The following UNC5A variants were observed in gnomAD, a reference collection of about 807,000 sequenced individuals.
UNC5A encodes unc-5 netrin receptor A.
Under a neutral mutation model 87.4 loss-of-function variants are expected in UNC5A, and 20 were observed. The observed-to-expected ratio is 0.23, with a 90% confidence interval of 0.16 to 0.33. UNC5A has a LOEUF of 0.33. UNC5A is among the 10% of genes least tolerant of loss of function. The probability of loss-of-function intolerance (pLI) is 1.00; values close to 1 mark genes in which losing one functional copy is unlikely to be tolerated. For synonymous variants in UNC5A, 438 were observed against 482.3 expected, an observed-to-expected ratio of 0.91 and a Z score of 1.20; for missense variants, 844 against 1,133.4, an observed-to-expected ratio of 0.74 and a Z score of 3.67.
At position 176,877,266 on chromosome 5, in the gene UNC5A, C is replaced by T. The variant is rs1056996634; in HGVS notation, c.1453C>T (p.Pro485Ser). The T allele has an allele frequency of 2.5e-6, 4 of 1,612,254 alleles. No individual in the cohort carries two copies. Among genetic ancestry groups the T allele is most frequent in the Non-Finnish European group, 3.4e-6 (4 of 1,179,584 alleles). The change falls in exon 9 of 15, where the codon CCG (proline) becomes TCG (serine). Residue 485 changes from proline (P) to serine (S), a missense_variant. Coordinates refer to ENST00000329542, the MANE Select transcript of UNC5A (RefSeq NM_133369.3). ...TGAGATCTACCTCACGCTGCACAAGCCGGAAGACGTGAGGTGTGGCCGCGG... is the reference window on the plus strand; with the variant it reads ...TGAGATCTACCTCACGCTGCACAAGTCGGAAGACGTGAGGTGTGGCCGCGG... ...IYEIYLTLHKPEDVRLPLAGC... is the reference protein window; with the variant it reads ...IYEIYLTLHKSEDVRLPLAGC...
chr5:176,856,242 T>C (rs2113642512), intron 1 of UNC5A, among the ~76,000 whole-genome samples: 1 of 152,180 alleles, frequency 6.6e-6, no homozygotes, highest in Non-Finnish European at 1.5e-5. Flanking sequence ...TCCGGGCGAG[T>C]CTTATCTCCC....
intron 3 of UNC5A, 121 bp from the exon 4 acceptor site, chr5:176,868,440 C>T (rs1398022947): frequency 1.4e-6 from 2 of 1,422,550 alleles, no homozygotes; most frequent in African/African-American, 2.9e-5. Context: ...CCCATGGCCC[C>T]CTGGCCACCT....
In UNC5A at chr5:176,869,876, A is replaced by T; in HGVS notation, c.722-494A>T. The stretch of plus-strand genomic sequence containing the variant: ...CACCAGCCTGCCCCCCCATGGCTCC[A>T]TCCCACCCACCCGCCACGCAGGGCC... On this transcript the variant is annotated intron_variant, in intron 5 of 14. Transcript: ENST00000329542. The surrounding 1 kb of genome is among the most constrained non-coding windows in gnomAD (Gnocchi z 9.1). The T allele has an allele frequency of 1.7e-6, 1 of 574,026 alleles. No homozygotes were observed. Among genetic ancestry groups the T allele is most frequent in the Non-Finnish European group, 3.1e-6 (1 of 320,552 alleles). The allele number at this position is 574,026 out of a possible 1,614,324, so 35.6% of individuals were successfully genotyped here. A position where few individuals can be genotyped will look rare whatever the true frequency, so the allele number is the denominator to read the frequency against.
intron 1 of UNC5A, among the ~76,000 whole-genome samples, chr5:176,839,815 T>C (rs1757231582): frequency 7.1e-6 from 1 of 141,140 alleles, no homozygotes; most frequent in Admixed American, 6.9e-5. Context: ...TCCTTTTTTT[T>C]TTTTTTTTTT....
intron 1 of UNC5A, among the ~76,000 whole-genome samples, chr5:176,822,577 A>T (rs1171504191): frequency 6.6e-6 from 1 of 152,234 alleles, no homozygotes; most frequent in Non-Finnish European, 1.5e-5. Context: ...TGTCTCCAGG[A>T]CATGCAGAGC....
chr5:176,853,053 C>T (rs1337700257), intron 1 of UNC5A, among the ~76,000 whole-genome samples: 1 of 152,202 alleles, frequency 6.6e-6, no homozygotes, highest in Non-Finnish European at 1.5e-5. Flanking sequence ...AGTGACTCCG[C>T]GGGAGCAGAG....
At position 176,874,286 on chromosome 5, in the gene UNC5A, C is replaced by T; in HGVS notation, c.1098C>T (p.Ile366=). The T allele has an allele frequency of 6.3e-7, 1 of 1,597,112 alleles. No individual in the cohort carries two copies. The highest frequency in any genetic ancestry group is 1.7e-5 in the Admixed American group (1 of 58,678). The change falls in exon 8 of 15, where the codon ATC becomes ATT. Residue 366 remains isoleucine (I), a synonymous_variant. Coordinates refer to ENST00000329542, the MANE Select transcript of UNC5A (RefSeq NM_133369.3). This position sits in a 1 kb window ranked among gnomAD's most constrained non-coding sequence, Gnocchi z 7.6. ...CAGACAACCCCCATCTGCTCACCAT[C>T]CAGCCGGACCTCAGCACCACCACCA... ...SKADNPHLLT[I]QPDLSTTTTT...
Position 176,878,331 on chromosome 5 carries a change from C to A in UNC5A, c.1957C>A (p.Arg653Ser), listed in dbSNP as rs764752380. 2 of 1,613,542 alleles carry A rather than the reference C, an allele frequency of 1.2e-6. No individual in the cohort carries two copies. The highest frequency in any genetic ancestry group is 1.7e-6 in the Non-Finnish European group (2 of 1,180,036). ...CTTCAAGGACAGTTACCACAACCTG[C>A]GCCTATCCATCCACGATGTGCCCAG... is the stretch of plus-strand genomic sequence containing the variant. The part of the protein sequence containing the change: ...LHFKDSYHNL[R>S]LSIHDVPSSL... The change falls in exon 12 of 15, where the codon CGC becomes AGC. Residue 653 changes from arginine to serine, a missense_variant. Arg to Ser is a moderately radical substitution (Grantham distance 110). Transcript: ENST00000329542.
At chr5:176,825,431 C>T (rs538102664) in intron 1 of UNC5A, among the ~76,000 whole-genome samples, 6 of 152,150 alleles carry the variant, frequency 3.9e-5, no homozygotes, top group Non-Finnish European at 7.3e-5. Flanking sequence ...GCAGGGAGAG[C>T]GGCCGGAGGA....
At chr5:176,878,212 G>A in intron 11 of UNC5A, 32 bp from the exon 12 acceptor site, 1 of 1,605,046 alleles carries the variant, frequency 6.2e-7, no homozygotes, top group African/African-American at 1.3e-5. Context: ...GCAGTGGGGA[G>A]GGGCCTGGGC....
At chr5:176,832,712 G>A (rs1300500875) in intron 1 of UNC5A, among the ~76,000 whole-genome samples, 2 of 152,224 alleles carry the variant, frequency 1.3e-5, no homozygotes, top group Non-Finnish European at 2.9e-5. Flanking sequence ...AGGGATGGTA[G>A]GGAGCTGCTG....
chr5:176,874,529 C>T lies in UNC5A; in HGVS notation c.1341C>T (p.Phe447=). ...RGTSNMTYGT[F]NFLGGRLMIP... ...CCAGCAACATGACCTATGGGACCTT[C>T]AACTTCCTCGGGGGCCGGCTGATGA... is the stretch of plus-strand genomic sequence containing the variant. Residue 447 remains phenylalanine, a synonymous_variant, in exon 8 of 15, where the codon TTC becomes TTT. Coordinates refer to ENST00000329542, the MANE Select transcript of UNC5A (RefSeq NM_133369.3). This position sits in a 1 kb window ranked among gnomAD's most constrained non-coding sequence, Gnocchi z 7.6. 6.3e-7 allele frequency: 1 copy of T among 1,587,614 alleles called. No homozygotes were observed. Among genetic ancestry groups the T allele is most frequent in the Non-Finnish European group, 8.6e-7 (1 of 1,163,532 alleles).
chr5:176,868,259 A>T lies in UNC5A; in HGVS notation c.422A>T (p.Tyr141Phe). Residue 141 changes from tyrosine to phenylalanine, a missense_variant, in exon 3 of 15, where the codon TAC becomes TTC. Tyr to Phe is a conservative substitution (Grantham distance 22). This residue lies in a region of UNC5A where 314 missense variants were observed against 466.5 expected (regional missense o/e 0.67). Transcript: ENST00000329542. ...SSGTTKSQKA[Y>F]IRIAYLRKNF... ...GGCACCACCAAGAGTCAGAAGGCCT[A>T]CATCCGCATAGCCTGTGAGTCTAGG... 2 of 1,613,388 alleles carry T rather than the reference A, an allele frequency of 1.2e-6. No individual in the cohort carries two copies. The highest frequency in any genetic ancestry group is 1.7e-6 in the Non-Finnish European group (2 of 1,179,906).
chr5:176,835,703 G>C (rs1421352724), intron 1 of UNC5A, among the ~76,000 whole-genome samples: 1 of 150,592 alleles, frequency 6.6e-6, no homozygotes, highest in Non-Finnish European at 1.5e-5. Context: ...ACCAGCATCT[G>C]TGCAAATGGA....
In UNC5A at chr5:176,865,703, A is replaced by G. The variant is rs936799041; in HGVS notation, c.293-2427A>G. On this transcript the variant is annotated intron_variant, in intron 2 of 14. Transcript: ENST00000329542. The surrounding 1 kb of genome is among the most constrained non-coding windows in gnomAD (Gnocchi z 5.3). Reference sequence around the variant, plus strand: ...AAAGACCAAAGACCCCAAACCAGAAACGTTCTGTGGTCAGACAGGTATGGC... The same window carrying G: ...AAAGACCAAAGACCCCAAACCAGAAGCGTTCTGTGGTCAGACAGGTATGGC... The G allele has an allele frequency of 2.2e-6, 1 of 456,388 alleles. No individual in the cohort carries two copies. The highest frequency in any genetic ancestry group is 4.4e-6 in the Non-Finnish European group (1 of 226,894). The allele number at this position is 456,388 out of a possible 1,614,324, so 28.3% of individuals were successfully genotyped here. A position where few individuals can be genotyped will look rare whatever the true frequency, so the allele number is the denominator to read the frequency against.
rs751511823 is a variant in UNC5A at position 176,878,468 on chromosome 5, C to G, written c.2020-7C>G. The G allele has an allele frequency of 6.2e-7, 1 of 1,612,188 alleles. No individual in the cohort carries two copies. The highest frequency in any genetic ancestry group is 8.5e-7 in the Non-Finnish European group (1 of 1,179,058). Reference sequence around the variant, plus strand: ...CACCTGACACCTCCTCTCTGCATCCCCATCAGGAGATCCCCTTTTATCACA... The same window carrying G: ...CACCTGACACCTCCTCTCTGCATCCGCATCAGGAGATCCCCTTTTATCACA... On this transcript the variant is annotated splice_polypyrimidine_tract_variant and splice_region_variant and intron_variant, in intron 12 of 14. Transcript: ENST00000329542.
rs1406917834 is a variant in UNC5A, at chr5:176,844,847, G to T, written c.71-17777G>T. On this transcript the variant is annotated intron_variant, in intron 1 of 14. Coordinates refer to ENST00000329542, the MANE Select transcript of UNC5A (RefSeq NM_133369.3). The surrounding 1 kb of genome is among the most constrained non-coding windows in gnomAD (Gnocchi z 4.2). ...AGTGGATCGTGGAAGTCGGTCCTCGGTGCCAGCCACAGACTCCCTGCCCAG... is the reference window on the plus strand; with the variant it reads ...AGTGGATCGTGGAAGTCGGTCCTCGTTGCCAGCCACAGACTCCCTGCCCAG... Among the ~76,000 whole-genome samples, 1 of 152,080 alleles carries T rather than the reference G, an allele frequency of 6.6e-6. No homozygotes were observed. Among genetic ancestry groups the T allele is most frequent in the Non-Finnish European group, 1.5e-5 (1 of 68,008 alleles).
At chr5:176,877,130 T>G in intron 8 of UNC5A, 62 bp from the exon 9 acceptor site, 1 of 1,321,228 alleles carries the variant, frequency 7.6e-7, no homozygotes, top group Non-Finnish European at 1.1e-6. Context: ...GGAGGGGCTG[T>G]GTGGTGGGGT....
intron 1 of UNC5A, among the ~76,000 whole-genome samples, chr5:176,819,309 A>G (rs1354528442): frequency 6.6e-6 from 1 of 152,216 alleles, no homozygotes; most frequent in African/African-American, 2.4e-5. Flanking sequence ...GCTTGAAGTG[A>G]CATGGGACAC....
Sources: allele counts gnomAD v4.1 joint callset (sites outside exome capture counted in the v4.1 genomes callset), GRCh38; gene constraint gnomAD v4.1.1; regional missense constraint gnomAD v4.1.1; non-coding constraint Gnocchi (gnomAD v3.1); transcripts MANE v1.5; gene names NCBI Gene and HGNC (gene_info 2026-07-23, HGNC 2026-07-21).